The following GPHN variants were observed in gnomAD, a reference collection of about 807,000 sequenced individuals.
GPHN encodes the protein gephyrin.
Under a neutral mutation model 95.5 loss-of-function variants are expected in GPHN, and 17 were observed. The observed-to-expected ratio is 0.18, with a 90% CI of 0.12 to 0.27. The LOEUF is 0.27. Among genes scored for constraint, GPHN ranks in the 10% least tolerant of loss-of-function variants. The pLI is 1.00. For synonymous variants in GPHN, 320 were observed against 322.5 expected, an observed-to-expected ratio of 0.99 and a Z score of 0.08; for missense variants, 660 against 978.1, an observed-to-expected ratio of 0.67 and a Z score of 4.34.
intron 1 of GPHN, among the ~76,000 whole-genome samples, chr14:66,675,394 T>G (rs556788025): frequency 4.0e-4 from 61 of 152,258 alleles, no homozygotes; most frequent in African/African-American, 1.3e-3. Context: ...TCTGCCCGCC[T>G]CGGCCTCCCA....
chr14:66,766,812 T>C (rs567122857), intron 2 of GPHN, among the ~76,000 whole-genome samples: 23 of 152,152 alleles, frequency 1.5e-4, no homozygotes, highest in South Asian at 4.1e-4. Flanking sequence ...AAGCCAGGTA[T>C]ACTGTAGTCA....
At chr14:67,696,149 A>G in the GPHN span, among the ~76,000 whole-genome samples, 1,156 of 149,772 alleles carry the variant, frequency 7.7e-3, 8 homozygotes, top group Non-Finnish European at 0.012. Flanking sequence ...ATTTTTCTGG[A>G]AAAAAAAAAG....
At chr14:66,690,293 G>C (rs982738902) in intron 2 of GPHN, among the ~76,000 whole-genome samples, 1 of 151,748 alleles carries the variant, frequency 6.6e-6, no homozygotes, top group Admixed American at 6.6e-5. Context: ...ATTGACCCAC[G>C]TTCATTGTAG....
intron 8 of GPHN, among the ~76,000 whole-genome samples, chr14:66,960,462 AT>A (rs1269776177): frequency 6.6e-6 from 1 of 151,478 alleles, no homozygotes; most frequent in Admixed American, 6.6e-5. Flanking sequence ...TTTGTTATTC[AT>A]TTTTTGAAAT....
At chr14:66,855,012 T>G (rs576813269) in intron 4 of GPHN, among the ~76,000 whole-genome samples, 8 of 152,054 alleles carry the variant, frequency 5.3e-5, no homozygotes, top group Non-Finnish European at 8.8e-5. Flanking sequence ...CAAGCCCAGC[T>G]AATTTTTGTA....
At chr14:67,391,041 G>A in the GPHN span, among the ~76,000 whole-genome samples, 2 of 152,136 alleles carry the variant, frequency 1.3e-5, no homozygotes, top group Non-Finnish European at 2.9e-5. Flanking sequence ...CATAAAGGAG[G>A]ACAGGGAGGC....
chr14:67,038,249 G>A (rs1284970103), intron 10 of GPHN, among the ~76,000 whole-genome samples: 1 of 152,030 alleles, frequency 6.6e-6, no homozygotes. Context: ...GACATCTAAA[G>A]TAATTGAACT....
chr14:66,806,274 C>T (rs372142591), intron 3 of GPHN, among the ~76,000 whole-genome samples: 11 of 152,242 alleles, frequency 7.2e-5, no homozygotes, highest in African/African-American at 2.2e-4. Context: ...ACCCTGGTCC[C>T]GGCCCATAAA....
intron 17 of GPHN, among the ~76,000 whole-genome samples, chr14:67,134,867 T>G: frequency 6.6e-6 from 1 of 151,262 alleles, no homozygotes; most frequent in Non-Finnish European, 1.5e-5. Flanking sequence ...TCTTTCTTTT[T>G]TAATTTTTCT....
chr14:67,603,918 T>C, the GPHN span, among the ~76,000 whole-genome samples: 1 of 152,250 alleles, frequency 6.6e-6, no homozygotes, highest in South Asian at 2.1e-4. Flanking sequence ...TGACCTCAGG[T>C]GATCTGCCCG....
intron 6 of GPHN, among the ~76,000 whole-genome samples, chr14:66,916,483 T>TTTG (rs1423400559): frequency 1.3e-5 from 2 of 151,462 alleles, no homozygotes; most frequent in African/African-American, 4.8e-5. Flanking sequence ...CCAGAGTTTT[T>TTTG]TTTTTTTTTT....
chr14:66,758,630 T>A (rs1003569318), intron 2 of GPHN, among the ~76,000 whole-genome samples: 2 of 152,192 alleles, frequency 1.3e-5, no homozygotes, highest in Non-Finnish European at 2.9e-5. Context: ...GCTGCCACCA[T>A]GCCAGGATAA....
At chr14:67,412,232 G>C in the GPHN span, 16 of 489,648 alleles carry the variant, frequency 3.3e-5, no homozygotes, top group Non-Finnish European at 5.2e-5. Flanking sequence ...GGGGCAGGAA[G>C]TCAGACCAAG....
the GPHN span, among the ~76,000 whole-genome samples, chr14:67,252,211 T>A: frequency 1.3e-5 from 2 of 152,156 alleles, no homozygotes; most frequent in Non-Finnish European, 2.9e-5. Flanking sequence ...TTTCTTAGAA[T>A]CAAGGTCTTG....
chr14:67,140,773 T>G (rs1435923754), intron 17 of GPHN, among the ~76,000 whole-genome samples: 5 of 152,232 alleles, frequency 3.3e-5, no homozygotes, highest in Non-Finnish European at 7.3e-5. Flanking sequence ...CCCAGAACTC[T>G]GGGCATCAGG....
intron 11 of GPHN, among the ~76,000 whole-genome samples, chr14:67,071,717 G>A (rs2076318483): frequency 6.6e-6 from 1 of 151,846 alleles, no homozygotes; most frequent in African/African-American, 2.4e-5. Flanking sequence ...CAGGTAGACT[G>A]ATCTTCCTTT....
chr14:67,527,429 A>T, the GPHN span, among the ~76,000 whole-genome samples: 1 of 151,908 alleles, frequency 6.6e-6, no homozygotes, highest in African/African-American at 2.4e-5. Flanking sequence ...CAAGAGTGAA[A>T]CTCCATCTCA....
intron 17 of GPHN, among the ~76,000 whole-genome samples, chr14:67,138,091 G>A (rs1042575773): frequency 6.6e-6 from 1 of 152,080 alleles, no homozygotes; most frequent in African/African-American, 2.4e-5. Context: ...GGTGTTTTAT[G>A]TGTAACAAAG....
chr14:66,811,660 T>C (rs2060771031), intron 3 of GPHN, among the ~76,000 whole-genome samples: 4 of 152,222 alleles, frequency 2.6e-5, no homozygotes, highest in Non-Finnish European at 5.9e-5. Context: ...ATGATACATT[T>C]AATTAAATCT....
Sources: gnomAD v4.1 joint callset for allele counts (sites outside exome capture counted in the v4.1 genomes callset) on GRCh38, gnomAD v4.1.1 for gene constraint, MANE v1.5 for transcripts, NCBI Gene and HGNC (gene_info 2026-07-23, HGNC 2026-07-21) for gene names.